KSR2: variants seen among roughly 807,000 people sequenced by gnomAD.
KSR2 encodes kinase suppressor of ras 2.
In KSR2, 25 loss-of-function variants were observed where a neutral mutation model predicts 107.8. The observed-to-expected ratio is 0.23, with a 90% CI of 0.17 to 0.32. The LOEUF (loss-of-function observed/expected upper bound fraction) is 0.32. Ranked by LOEUF, KSR2 falls within the 10% of genes least tolerant of loss-of-function variation. The probability of loss-of-function intolerance (pLI) is 1.00; values close to 1 mark genes in which losing one functional copy is unlikely to be tolerated. For missense variants in KSR2, 887 were observed against 1,268.9 expected (o/e 0.70, Z 4.57); for synonymous variants, 480 against 507.0 (o/e 0.95, Z 0.71).
At chr12:117,499,329 T>C (rs978916345) in intron 14 of KSR2, among the ~76,000 whole-genome samples, 4 of 152,252 alleles carry the variant, frequency 2.6e-5, no homozygotes, top group African/African-American at 9.6e-5. Flanking sequence ...TTATAAGGTT[T>C]TTTTTCCCCT....
chr12:117,803,172 A>G (rs1890893486), intron 3 of KSR2, among the ~76,000 whole-genome samples: 1 of 152,192 alleles, frequency 6.6e-6, no homozygotes, highest in Non-Finnish European at 1.5e-5. Flanking sequence ...AGAGTGATTT[A>G]TTGGGCATGA....
Position 117,525,181 on chromosome 12 carries a change from A to C in KSR2, c.1890T>G (p.Asp630Glu). 1.2e-6 allele frequency: 2 copies of C among 1,612,752 alleles called. No individual in the cohort carries two copies. Among genetic ancestry groups the C allele is most frequent in the Non-Finnish European group, 1.7e-6 (2 of 1,178,968 alleles). Residue 630 changes from aspartate (D) to glutamate (E), a missense_variant, in exon 14 of 20, where the codon GAT becomes GAG. By Grantham distance (45) the Asp-to-Glu change is conservative. Around this residue, in one of 8 missense-constraint regions of KSR2, gnomAD observed 308 missense variants for 506.2 expected, o/e 0.61. Coordinates refer to ENST00000339824, the MANE Select transcript of KSR2 (RefSeq NM_173598.6). ...GGGACAGGTTCATCTCCTCGAAGTC[A>C]TCCTCTGACTCTTCGGCCTCATCAT... is the stretch of plus-strand genomic sequence containing the variant. ...EVHDEAEESEDDFEEMNLSLL... is the reference protein window; with the variant it reads ...EVHDEAEESEEDFEEMNLSLL...
chr12:117,733,008 G>A (rs11068661), intron 4 of KSR2, among the ~76,000 whole-genome samples: 11,019 of 152,156 alleles, frequency 0.072, 849 homozygotes, highest in East Asian at 0.29. Context: ...TCAGAGCCAC[G>A]CTCTGCTGTG....
rs558120125 is a variant in KSR2, at chr12:117,505,130, C to A, written c.2220-19439G>T. ...AGTATTCCATGGTGTATATATACCA[C>A]ATTTTCTTTATTCACTCATTGGTCA... On this transcript the variant is annotated intron_variant, in intron 14 of 19. Transcript: ENST00000339824. Among the ~76,000 whole-genome samples the A allele has an allele frequency of 2.0e-5, 3 of 152,234 alleles. No individual in the cohort carries two copies. In the South Asian group the frequency reaches 6.2e-4, roughly 32 times the overall value.
intron 3 of KSR2, among the ~76,000 whole-genome samples, chr12:117,840,107 T>TTA (rs1480683702): frequency 2.7e-5 from 4 of 149,822 alleles, no homozygotes; most frequent in African/African-American, 9.7e-5. Flanking sequence ...TTTATTTTAT[T>TTA]TTTTTTTTTG....
At chr12:117,617,924 G>T (rs1881973093) in intron 5 of KSR2, among the ~76,000 whole-genome samples, 2 of 152,086 alleles carry the variant, frequency 1.3e-5, no homozygotes, top group African/African-American at 4.8e-5. Context: ...CAAGAATTAA[G>T]AATAAATTAA....
chr12:117,501,269 G>A (rs1348213372), intron 14 of KSR2, among the ~76,000 whole-genome samples: 1 of 152,212 alleles, frequency 6.6e-6, no homozygotes, highest in East Asian at 1.9e-4. Context: ...GCAGAGTTAA[G>A]GAGTTGTAAC....
At chr12:117,518,135 T>C (rs1037354468) in intron 14 of KSR2, among the ~76,000 whole-genome samples, 4 of 152,208 alleles carry the variant, frequency 2.6e-5, no homozygotes, top group African/African-American at 9.6e-5. Context: ...GGGTAAGTGC[T>C]GGATATTTCA....
intron 4 of KSR2, among the ~76,000 whole-genome samples, chr12:117,717,299 T>C (rs12809359): frequency 0.2 from 29,734 of 152,116 alleles, 3,018 homozygotes; most frequent in Middle Eastern, 0.26. Context: ...GACAGGAGGA[T>C]TGCTTGAGCT....
At position 117,761,391 on chromosome 12, in the gene KSR2, C is replaced by T. The variant is rs1889012495; in HGVS notation, c.606G>A (p.Pro202=). Residue 202 remains proline (P), a synonymous_variant, in exon 4 of 20, where the codon CCG becomes CCA. Coordinates refer to ENST00000339824, the MANE Select transcript of KSR2 (RefSeq NM_173598.6). ...RTHLSQSPRV[P]SKCVQHYCHT... ...GACAATAGTGCTGGACGCACTTGGA[C>T]GGGACCCTGGGGCTCTGGGAGAGAT... 1 of 1,607,074 alleles carries T rather than the reference C, an allele frequency of 6.2e-7. No individual in the cohort carries two copies. Among genetic ancestry groups the T allele is most frequent in the South Asian group, 1.1e-5 (1 of 90,574 alleles).
At chr12:117,716,792 C>T (rs1360208773) in intron 4 of KSR2, among the ~76,000 whole-genome samples, 1 of 152,166 alleles carries the variant, frequency 6.6e-6, no homozygotes, top group Admixed American at 6.5e-5. Context: ...ACCTGCCAAC[C>T]ATGCAGGGTT....
At chr12:117,750,249 TAAAAAAAAAAAA>T in intron 4 of KSR2, among the ~76,000 whole-genome samples, 1 of 122,248 alleles carries the variant, frequency 8.2e-6, no homozygotes, top group African/African-American at 3.1e-5. Context: ...GACTCTGTCT[TAAAAAAAAAAAA>T]AAAAAAAAGA....
intron 4 of KSR2, among the ~76,000 whole-genome samples, chr12:117,725,689 C>T (rs1198329108): frequency 6.6e-6 from 1 of 152,196 alleles, no homozygotes; most frequent in Non-Finnish European, 1.5e-5. Flanking sequence ...GTGGCTCACA[C>T]CTGTAATTCC....
At chr12:117,504,327 C>G (rs1873548798) in intron 14 of KSR2, among the ~76,000 whole-genome samples, 1 of 152,152 alleles carries the variant, frequency 6.6e-6, no homozygotes, top group African/African-American at 2.4e-5. Flanking sequence ...AATTGAAAGT[C>G]CTGTCATTCC....
At chr12:117,682,404 ATGT>A (rs1885401916) in intron 4 of KSR2, among the ~76,000 whole-genome samples, 2 of 151,856 alleles carry the variant, frequency 1.3e-5, no homozygotes, top group African/African-American at 4.8e-5. Flanking sequence ...TGTCCTGCAC[ATGT>A]ACTTCAGTTT....
intron 5 of KSR2, among the ~76,000 whole-genome samples, chr12:117,642,790 A>G (rs1206203133): frequency 2.0e-5 from 3 of 152,200 alleles, no homozygotes; most frequent in African/African-American, 7.2e-5. Context: ...TGATTTTCCC[A>G]TTTATAACAT....
chr12:117,848,115 GGGAAA>G (rs1170144767), intron 3 of KSR2, among the ~76,000 whole-genome samples: 2 of 152,168 alleles, frequency 1.3e-5, no homozygotes, highest in African/African-American at 4.8e-5. Flanking sequence ...GTTTTTCCTT[GGGAAA>G]GGAAAGATAC....
At chr12:117,535,366 G>A (rs1875968554) in intron 10 of KSR2, among the ~76,000 whole-genome samples, 1 of 152,176 alleles carries the variant, frequency 6.6e-6, no homozygotes, top group African/African-American at 2.4e-5. Context: ...CATGCAGCTG[G>A]CATTCTGATG....
intron 3 of KSR2, among the ~76,000 whole-genome samples, chr12:117,796,167 A>C (rs1040801877): frequency 6.6e-6 from 1 of 152,036 alleles, no homozygotes; most frequent in Non-Finnish European, 1.5e-5. Flanking sequence ...CCTGGACTCA[A>C]GCAGTCCTCC....
Sources: gnomAD v4.1 joint callset for allele counts (sites outside exome capture counted in the v4.1 genomes callset) on GRCh38, gnomAD v4.1.1 for gene constraint, gnomAD v4.1.1 regional missense constraint, MANE v1.5 for transcripts, NCBI Gene and HGNC (gene_info 2026-07-23, HGNC 2026-07-21) for gene names.